CALU: variants seen among roughly 807,000 people sequenced by gnomAD.
The protein encoded by CALU is IEF SSP 9302.
In CALU, 13 loss-of-function variants were observed where a neutral mutation model predicts 37.5. That is an observed-to-expected ratio of 0.35 (90% CI 0.23 to 0.55). CALU has a LOEUF of 0.55. CALU is among the 20% of genes least tolerant of loss of function. The probability of loss-of-function intolerance (pLI) is 0.89; values close to 1 mark genes in which losing one functional copy is unlikely to be tolerated. For synonymous variants in CALU, 114 were observed against 133.8 expected (o/e 0.85, Z 1.02); for missense variants, 282 against 391.7 (o/e 0.72, Z 2.36).
At chr7:128,740,811 C>G (rs1298233413) in intron 1 of CALU, among the ~76,000 whole-genome samples, 5 of 152,156 alleles carry the variant, frequency 3.3e-5, no homozygotes, top group Admixed American at 1.3e-4. Flanking sequence ...TGTTTTCATT[C>G]ATCCAGTGAT....
intron 4 of CALU, 129 bp downstream of exon 4, chr7:128,759,166 C>G: frequency 1.6e-6 from 1 of 635,556 alleles, no homozygotes; most frequent in Non-Finnish European, 2.5e-6. Context: ...ACTGTATATG[C>G]TATATAAGTA....
At chr7:128,747,285 AG>A (rs1392461525) in intron 1 of CALU, among the ~76,000 whole-genome samples, 1 of 152,200 alleles carries the variant, frequency 6.6e-6, no homozygotes, top group African/African-American at 2.4e-5. Flanking sequence ...ATAGGAATAG[AG>A]TAATAAGTAC....
At chr7:128,748,864 T>G in intron 2 of CALU, 60 bp downstream of exon 2, 1 of 1,129,782 alleles carries the variant, frequency 8.9e-7, no homozygotes. Context: ...AAAGGCTAAT[T>G]CTTTTCTTTT....
At chr7:128,763,662 T>G (rs1801210563) in intron 5 of CALU, among the ~76,000 whole-genome samples, 1 of 152,242 alleles carries the variant, frequency 6.6e-6, no homozygotes, top group Non-Finnish European at 1.5e-5. Flanking sequence ...TTTAAGCATG[T>G]GTCTATTTCC....
At chr7:128,746,930 G>A (rs189300800) in intron 1 of CALU, among the ~76,000 whole-genome samples, 226 of 151,918 alleles carry the variant, frequency 1.5e-3, no homozygotes, top group African/African-American at 5.3e-3. Flanking sequence ...CACCACGCCC[G>A]GCTAATTTTT....
In CALU at chr7:128,739,636, ACC is replaced by A. The variant is rs368712115; in HGVS notation, c.-12+205_-12+206del. Among the ~76,000 whole-genome samples the A allele has an allele frequency of 1.2e-3, 182 of 151,986 alleles. 1 individual carries two copies. The highest frequency in any genetic ancestry group is 4.2e-3 in the African/African-American group (175 of 41,424). ...TGGGATGGAGGCCGCCGCCCGTCTT[ACC>A]GCGCGCTCTGGGAAGGGGGCTGGTC... On this transcript the variant is annotated intron_variant, in intron 1 of 6. Transcript: ENST00000249364.
Position 128,759,870 on chromosome 7 carries a change from G to C in CALU, c.643+18G>C, listed in dbSNP as rs767731305. 1 of 1,255,974 alleles carries C rather than the reference G, an allele frequency of 8.0e-7. No individual in the cohort carries two copies. Among genetic ancestry groups the C allele is most frequent in the Non-Finnish European group, 1.2e-6 (1 of 855,320 alleles). 77.8% of individuals were successfully genotyped at this position (1,255,974 alleles called of 1,614,324 possible). ...GTATATTGGTAAGTCTCTGCTTTTA[G>C]TGTTTTTCTTAGAAAAGCTGAGAAG... On this transcript the variant is annotated intron_variant, in intron 5 of 6. Transcript: ENST00000249364.
chr7:128,744,700 T>G (rs1800366044), intron 1 of CALU, among the ~76,000 whole-genome samples: 1 of 151,912 alleles, frequency 6.6e-6, no homozygotes, highest in African/African-American at 2.4e-5. Context: ...GGGTAGAAAC[T>G]GTGGGTGAGG....
intron 3 of CALU, chr7:128,754,769 AAG>A: frequency 7.9e-7 from 1 of 1,258,926 alleles, no homozygotes; most frequent in Non-Finnish European, 1.1e-6. Context: ...TCTTGAGTCA[AAG>A]AAACAAATGG....
intron 1 of CALU, among the ~76,000 whole-genome samples, chr7:128,743,544 C>T (rs1273252826): frequency 6.7e-6 from 1 of 149,370 alleles, no homozygotes; most frequent in Admixed American, 6.7e-5. Context: ...TTTTTTGAGA[C>T]AGGGTCTTGT....
At chr7:128,748,461 G>A in intron 1 of CALU, 112 bp from the exon 2 acceptor site, 2 of 1,171,438 alleles carry the variant, frequency 1.7e-6, no homozygotes, top group Non-Finnish European at 2.4e-6. Context: ...TAAAAGACTT[G>A]CATAGATATG....
chr7:128,771,353 C>T lies in CALU; in HGVS notation c.*2186C>T, dbSNP rs1302172493. 1 of 152,558 alleles carries T rather than the reference C, an allele frequency of 6.6e-6. No individual in the cohort carries two copies. The highest frequency in any genetic ancestry group is 1.5e-5 in the Non-Finnish European group (1 of 68,018). 9.5% of individuals were successfully genotyped at this position (152,558 alleles called of 1,614,324 possible). The stretch of plus-strand genomic sequence containing the variant: ...TAGCTACACACCCATATTGTGTGTT[C>T]TGTGAATGCTAGCTCTCTTGAATTT... On this transcript the variant is annotated 3_prime_UTR_variant, in exon 7 of 7. Coordinates refer to ENST00000249364, the MANE Select transcript of CALU (RefSeq NM_001219.5).
At chr7:128,744,722 G>C (rs527392689) in intron 1 of CALU, among the ~76,000 whole-genome samples, 1 of 152,140 alleles carries the variant, frequency 6.6e-6, no homozygotes, top group South Asian at 2.1e-4. Context: ...AAAGGGAGGA[G>C]CAAGCATGAA....
At chr7:128,752,904 C>T (rs1249004366) in intron 2 of CALU, among the ~76,000 whole-genome samples, 4 of 152,212 alleles carry the variant, frequency 2.6e-5, no homozygotes, top group East Asian at 1.9e-4. Flanking sequence ...AGGCTGGTCT[C>T]GAATTCCTCA....
chr7:128,754,414 C>A lies in CALU; in HGVS notation c.374C>A (p.Ser125Tyr), dbSNP rs1282728020. ...GHDLNEDGLV[S>Y]WEEYKNATYG... Reference sequence around the variant, plus strand: ...GACCTCAATGAGGACGGCCTCGTTTCCTGGGAGGAGTATAAAAATGCCACC... The same window carrying A: ...GACCTCAATGAGGACGGCCTCGTTTACTGGGAGGAGTATAAAAATGCCACC... The change falls in exon 3 of 7, where the codon TCC becomes TAC. Residue 125 changes from serine to tyrosine, a missense_variant. Transcript: ENST00000249364. The A allele has an allele frequency of 1.7e-5, 27 of 1,613,798 alleles. No individual in the cohort carries two copies. Among genetic ancestry groups the A allele is most frequent in the Non-Finnish European group, 2.0e-5 (24 of 1,179,966 alleles).
chr7:128,752,021 A>G (rs1235129502), intron 2 of CALU, among the ~76,000 whole-genome samples: 1 of 152,214 alleles, frequency 6.6e-6, no homozygotes, highest in African/African-American at 2.4e-5. Flanking sequence ...TTTAAAGATG[A>G]TAATTTAGAG....
Position 128,772,655 on chromosome 7 carries a change from T to C in CALU, c.*3488T>C, listed in dbSNP as rs540420837. On this transcript the variant is annotated 3_prime_UTR_variant, in exon 7 of 7. Coordinates refer to ENST00000249364, the MANE Select transcript of CALU (RefSeq NM_001219.5). The stretch of plus-strand genomic sequence containing the variant: ...ACACACCATCTTCATGATGCAAGCT[T>C]GGAACTGGAGAGAAAGGTACAATTG... 86 of 1,614,072 alleles carry C rather than the reference T, an allele frequency of 5.3e-5. No individual in the cohort carries two copies. The South Asian group carries it at 9.1e-4, about 17-fold the overall frequency.
intron 2 of CALU, among the ~76,000 whole-genome samples, chr7:128,753,946 T>A (rs1800770692): frequency 6.6e-6 from 1 of 152,220 alleles, no homozygotes; most frequent in East Asian, 1.9e-4. Flanking sequence ...TTACATGTTG[T>A]TTGATGCAAA....
At chr7:128,743,990 G>C (rs1180073140) in intron 1 of CALU, among the ~76,000 whole-genome samples, 1 of 152,176 alleles carries the variant, frequency 6.6e-6, no homozygotes, top group Non-Finnish European at 1.5e-5. Context: ...AGAATCACTT[G>C]AGGTCAGGAG....
Sources: allele counts gnomAD v4.1 joint callset (sites outside exome capture counted in the v4.1 genomes callset), GRCh38; gene constraint gnomAD v4.1.1; transcripts MANE v1.5; gene names NCBI Gene and HGNC (gene_info 2026-07-23, HGNC 2026-07-21).